Variants in STXBP5 observed in about 807,000 individuals in gnomAD.
The protein encoded by STXBP5 is syntaxin-binding protein 5.
Under a neutral mutation model 152.4 loss-of-function variants are expected in STXBP5, and 50 were observed. The ratio of observed to expected loss-of-function variants is 0.33; its 90% CI spans 0.26 to 0.42. STXBP5 has a LOEUF of 0.42. STXBP5 is among the 10% of genes least tolerant of loss of function. The pLI, the probability that STXBP5 is intolerant of heterozygous loss-of-function variation, is 1.00. For missense variants in STXBP5, 1,167 were observed against 1,388.6 expected (o/e 0.84, Z 2.54); for synonymous variants, 492 against 494.7 (o/e 0.99, Z 0.07).
intron 4 of STXBP5, among the ~76,000 whole-genome samples, chr6:147,249,945 G>T (rs768662316): frequency 6.6e-6 from 1 of 152,000 alleles, no homozygotes; most frequent in African/African-American, 2.4e-5. Context: ...ATGGAGAAAG[G>T]GTTCTCTGAA....
At chr6:147,378,248 AC>A (rs1346761020) in intron 26 of STXBP5, among the ~76,000 whole-genome samples, 2 of 152,082 alleles carry the variant, frequency 1.3e-5, no homozygotes, top group Admixed American at 1.3e-4. Context: ...CAACCTTGAT[AC>A]CAAAAACCAA....
At chr6:147,314,420 T>A in intron 13 of STXBP5, 89 bp downstream of exon 13, 1 of 1,340,592 alleles carries the variant, frequency 7.5e-7, no homozygotes, top group Non-Finnish European at 1.1e-6. Flanking sequence ...ACTGGACAGG[T>A]AGAGCTTTCC....
At chr6:147,354,024 T>C (rs1437990366) in intron 22 of STXBP5, among the ~76,000 whole-genome samples, 2 of 152,198 alleles carry the variant, frequency 1.3e-5, no homozygotes, top group Non-Finnish European at 2.9e-5. Flanking sequence ...ACATGGTATC[T>C]TTTTAAACTC....
At chr6:147,213,434 ATGTGTGTGTGTGTGTG>A (rs1159372834) in intron 2 of STXBP5, among the ~76,000 whole-genome samples, 53 of 85,592 alleles carry the variant, frequency 6.2e-4, no homozygotes, top group Middle Eastern at 5.4e-3. Flanking sequence ...AATTTTATAT[ATGTGTGTGTGTGTGTG>A]TGTGTGTGTG....
intron 9 of STXBP5, among the ~76,000 whole-genome samples, chr6:147,296,675 A>G (rs932008162): frequency 6.6e-6 from 1 of 152,212 alleles, no homozygotes; most frequent in Non-Finnish European, 1.5e-5. Flanking sequence ...ATTCAAAATA[A>G]TGGTTTCTTA....
intron 25 of STXBP5, among the ~76,000 whole-genome samples, chr6:147,371,779 C>A (rs116568146): frequency 6.6e-6 from 1 of 152,100 alleles, no homozygotes; most frequent in African/African-American, 2.4e-5. Flanking sequence ...AACTGTAATT[C>A]TAAAAATGAG....
intron 25 of STXBP5, among the ~76,000 whole-genome samples, chr6:147,369,050 A>G (rs1382776947): frequency 6.6e-6 from 1 of 152,080 alleles, no homozygotes; most frequent in Non-Finnish European, 1.5e-5. Context: ...TCTGAAAAAA[A>G]TGGAAGGGCT....
At chr6:147,302,644 G>A (rs1350738861) in intron 9 of STXBP5, among the ~76,000 whole-genome samples, 3 of 152,092 alleles carry the variant, frequency 2.0e-5, no homozygotes, top group South Asian at 4.2e-4. Context: ...GTGAAACCCC[G>A]ACTCTCCTAA....
chr6:147,217,863 G>A (rs1432681606), intron 2 of STXBP5, among the ~76,000 whole-genome samples: 2 of 152,062 alleles, frequency 1.3e-5, no homozygotes, highest in African/African-American at 4.8e-5. Context: ...ATGTTGATGT[G>A]CACATTTTTC....
intron 11 of STXBP5, among the ~76,000 whole-genome samples, chr6:147,313,027 A>G (rs137967920): frequency 6.6e-6 from 1 of 152,306 alleles, no homozygotes; most frequent in Admixed American, 6.5e-5. Flanking sequence ...TGTTATAAAG[A>G]GAAGAAAGTT....
chr6:147,387,059 T>A lies in STXBP5; in HGVS notation c.*2304T>A, dbSNP rs1786373670. 1 of 151,760 alleles carries A rather than the reference T, an allele frequency of 6.6e-6. No individual in the cohort carries two copies. The highest frequency in any genetic ancestry group is 1.5e-5 in the Non-Finnish European group (1 of 67,732). The allele number at this position is 151,760 out of a possible 1,614,324, so 9.4% of individuals were successfully genotyped here. ...TCTTAAATCAGTGTTTTGAGTTATT[T>A]AATTTTTAAATTAATCTACAAATTA... On this transcript the variant is annotated 3_prime_UTR_variant, in exon 28 of 28. Coordinates refer to ENST00000321680, the MANE Select transcript of STXBP5 (RefSeq NM_001127715.4).
At position 147,375,040 on chromosome 6, in the gene STXBP5, G is replaced by A. The variant is rs549048678; in HGVS notation, c.3193+1198G>A. On this transcript the variant is annotated intron_variant, in intron 26 of 27. Coordinates refer to ENST00000321680, the MANE Select transcript of STXBP5 (RefSeq NM_001127715.4). ...TCCTGGCAGAAGCAAATGAAAAAAT[G>A]ATCTCAGAAAGAATATAGTGCATTC... Among the ~76,000 whole-genome samples the A allele has an allele frequency of 2.0e-5, 3 of 152,208 alleles. No homozygotes were observed. The South Asian group carries it at 6.2e-4, about 32-fold the overall frequency.
intron 18 of STXBP5, among the ~76,000 whole-genome samples, chr6:147,333,761 C>T (rs953304112): frequency 2.6e-5 from 4 of 152,146 alleles, no homozygotes; most frequent in Non-Finnish European, 5.9e-5. Flanking sequence ...GTTCATCCAT[C>T]GATGTGACAC....
At chr6:147,238,344 ATCCTGTGAGGGAAAGAACTCCC>A (rs1778378840) in intron 3 of STXBP5, among the ~76,000 whole-genome samples, 1 of 152,224 alleles carries the variant, frequency 6.6e-6, no homozygotes, top group African/African-American at 2.4e-5. Context: ...GAACTAATCC[ATCCTGTGAGGGAAAGAACTCCC>A]TCCCTCCCTG....
At chr6:147,259,536 G>A (rs1779544964) in intron 4 of STXBP5, among the ~76,000 whole-genome samples, 1 of 152,138 alleles carries the variant, frequency 6.6e-6, no homozygotes, top group Non-Finnish European at 1.5e-5. Flanking sequence ...TGAGTTGCGT[G>A]TGTATTTATT....
intron 9 of STXBP5, among the ~76,000 whole-genome samples, chr6:147,297,963 A>G (rs1781613536): frequency 6.6e-6 from 1 of 152,122 alleles, no homozygotes; most frequent in Non-Finnish European, 1.5e-5. Flanking sequence ...GGATACAGAA[A>G]AGCAAGAAAG....
chr6:147,276,569 C>T (rs1396220572), intron 7 of STXBP5, among the ~76,000 whole-genome samples: 1 of 152,002 alleles, frequency 6.6e-6, no homozygotes, highest in Non-Finnish European at 1.5e-5. Flanking sequence ...TCTATAGGTT[C>T]CAGATAGCAC....
At chr6:147,267,702 G>T (rs367879223) in intron 7 of STXBP5, among the ~76,000 whole-genome samples, 11 of 150,624 alleles carry the variant, frequency 7.3e-5, no homozygotes, top group African/African-American at 2.7e-4. Context: ...TTTTGTTTTT[G>T]CCCTCAGATT....
chr6:147,367,709 C>T (rs1164224918), intron 25 of STXBP5, among the ~76,000 whole-genome samples: 1 of 151,746 alleles, frequency 6.6e-6, no homozygotes, highest in East Asian at 1.9e-4. Flanking sequence ...AAATAATAAA[C>T]ATCCAAGTGG....
Sources: allele counts gnomAD v4.1 joint callset (sites outside exome capture counted in the v4.1 genomes callset), GRCh38; gene constraint gnomAD v4.1.1; transcripts MANE v1.5; gene names NCBI Gene and HGNC (gene_info 2026-07-23, HGNC 2026-07-21).